The following PLCB1 variants were observed in gnomAD, a reference collection of about 807,000 sequenced individuals.
The protein encoded by PLCB1 is phospholipase C beta 1.
A neutral mutation model predicts 161.8 loss-of-function variants in PLCB1; 46 were observed. The ratio of observed to expected loss-of-function variants is 0.28; its 90% CI spans 0.22 to 0.36. The LOEUF (loss-of-function observed/expected upper bound fraction) is 0.36, where lower values mean the gene tolerates loss of function less well. Ranked by LOEUF, PLCB1 falls within the 10% of genes least tolerant of loss-of-function variation. The probability of loss-of-function intolerance (pLI) is 1.00; values close to 1 mark genes in which losing one functional copy is unlikely to be tolerated. For missense variants in PLCB1, 1,016 were observed against 1,472.5 expected (o/e 0.69, Z 5.07); for synonymous variants, 517 against 503.7 (o/e 1.03, Z -0.35).
intron 2 of PLCB1, among the ~76,000 whole-genome samples, chr20:8,282,348 A>G (rs1483208923): frequency 2.0e-5 from 3 of 152,238 alleles, no homozygotes; most frequent in African/African-American, 2.4e-5. Context: ...GGACAAGGTT[A>G]TACATCTCAC....
chr20:8,546,484 T>C (rs923590181), intron 3 of PLCB1, among the ~76,000 whole-genome samples: 1 of 152,124 alleles, frequency 6.6e-6, no homozygotes, highest in African/African-American at 2.4e-5. Context: ...TAAGAGAACA[T>C]CATGATTTAG....
intron 31 of PLCB1, among the ~76,000 whole-genome samples, chr20:8,823,166 G>A (rs939132266): frequency 2.0e-5 from 3 of 151,912 alleles, no homozygotes; most frequent in Admixed American, 1.3e-4. Context: ...TCTGTCACCC[G>A]GGCTGGAGTA....
At chr20:8,679,219 T>A (rs1041755757) in intron 9 of PLCB1, among the ~76,000 whole-genome samples, 1 of 152,208 alleles carries the variant, frequency 6.6e-6, no homozygotes, top group Non-Finnish European at 1.5e-5. Flanking sequence ...TTTTCCCATG[T>A]ACCTGAAACA....
intron 3 of PLCB1, among the ~76,000 whole-genome samples, chr20:8,485,242 T>C (rs1351831490): frequency 6.6e-6 from 1 of 152,216 alleles, no homozygotes; most frequent in African/African-American, 2.4e-5. Context: ...AGTAGATGTA[T>C]ACTCCACAGC....
chr20:8,500,272 T>C (rs570304504), intron 3 of PLCB1, among the ~76,000 whole-genome samples: 1 of 152,220 alleles, frequency 6.6e-6, no homozygotes, highest in African/African-American at 2.4e-5. Context: ...AAATTATATT[T>C]TATACCATAC....
At chr20:8,258,818 C>T (rs990670364) in intron 2 of PLCB1, among the ~76,000 whole-genome samples, 1 of 151,870 alleles carries the variant, frequency 6.6e-6, no homozygotes, top group African/African-American at 2.4e-5. Context: ...TTTAAGTATA[C>T]TTTGCACAGA....
At chr20:8,818,038 A>G (rs987097454) in intron 31 of PLCB1, among the ~76,000 whole-genome samples, 3 of 152,226 alleles carry the variant, frequency 2.0e-5, no homozygotes, top group African/African-American at 7.2e-5. Context: ...GACATGGAAA[A>G]TATGGTAGAG....
chr20:8,569,070 G>A (rs1411669146), intron 3 of PLCB1, among the ~76,000 whole-genome samples: 1 of 152,208 alleles, frequency 6.6e-6, no homozygotes, highest in Non-Finnish European at 1.5e-5. Context: ...CATCTGGTTT[G>A]TAAGGGAGCT....
At position 8,523,465 on chromosome 20, in the gene PLCB1, G is replaced by GCTCTCTCTCTCTCTCTCTCT. The variant is rs1174973173; in HGVS notation, c.247-104816_247-104797dup. On this transcript the variant is annotated intron_variant, in intron 3 of 31. Coordinates refer to ENST00000338037, the MANE Select transcript of PLCB1 (RefSeq NM_015192.4). ...ACGACAACAAATATATATATATTTGGCTCTCTCTCTCTCTCTCTCTCTCTC... is the reference window on the plus strand; with the variant it reads ...ACGACAACAAATATATATATATTTGGCTCTCTCTCTCTCTCTCTCTCTCTCTCTCTCTCTCTCTCTCTCTC... 2.4e-3 allele frequency among the ~76,000 whole-genome samples: 116 copies of GCTCTCTCTCTCTCTCTCTCT among 48,768 alleles called. 4 individuals carry two copies. Among genetic ancestry groups the GCTCTCTCTCTCTCTCTCTCT allele is most frequent in the Non-Finnish European group, 2.7e-3 (75 of 27,780 alleles). The allele number at this position is 48,768 out of a possible 152,430, so 32.0% of individuals were successfully genotyped here.
intron 3 of PLCB1, among the ~76,000 whole-genome samples, chr20:8,536,094 G>A (rs1404172807): frequency 6.6e-6 from 1 of 152,038 alleles, no homozygotes; most frequent in East Asian, 1.9e-4. Flanking sequence ...GCACATGATG[G>A]AGGAAAAAGA....
intron 2 of PLCB1, among the ~76,000 whole-genome samples, chr20:8,159,315 C>T (rs2123047247): frequency 6.6e-6 from 1 of 152,240 alleles, no homozygotes; most frequent in East Asian, 1.9e-4. Flanking sequence ...ATATTGGCCC[C>T]TTTCAGACAC....
intron 2 of PLCB1, among the ~76,000 whole-genome samples, chr20:8,243,036 A>G (rs1417061605): frequency 6.6e-6 from 1 of 151,992 alleles, no homozygotes; most frequent in Non-Finnish European, 1.5e-5. Context: ...TTGCATCGTT[A>G]CGGGCATGCT....
At chr20:8,487,899 C>T (rs957285646) in intron 3 of PLCB1, among the ~76,000 whole-genome samples, 1 of 152,098 alleles carries the variant, frequency 6.6e-6, no homozygotes, top group African/African-American at 2.4e-5. Context: ...TGCATTCCTC[C>T]CAGGGGTGGC....
intron 9 of PLCB1, among the ~76,000 whole-genome samples, chr20:8,671,160 C>T (rs958138619): frequency 2.0e-5 from 3 of 152,158 alleles, no homozygotes; most frequent in Non-Finnish European, 2.9e-5. Context: ...GTCCAGTTTT[C>T]CCATCTTGAC....
Position 8,353,702 on chromosome 20 carries a change from C to T in PLCB1, c.178-17680C>T, listed in dbSNP as rs577593343. Among the ~76,000 whole-genome samples the T allele has an allele frequency of 3.3e-5, 5 of 152,152 alleles. No homozygotes were observed. The East Asian group carries it at 9.7e-4, about 29-fold the overall frequency. On this transcript the variant is annotated intron_variant, in intron 2 of 31. Coordinates refer to ENST00000338037, the MANE Select transcript of PLCB1 (RefSeq NM_015192.4). ...TATTCTAGAAAATACCTGACTAGTA[C>T]TCCTCAAAACTGTTAAGGTCATCAA...
At chr20:8,224,795 T>G (rs1339836306) in intron 2 of PLCB1, among the ~76,000 whole-genome samples, 2 of 152,142 alleles carry the variant, frequency 1.3e-5, no homozygotes, top group Non-Finnish European at 2.9e-5. Context: ...GTTCTTTCTA[T>G]TCACTATCCA....
At chr20:8,158,468 G>C (rs1364896744) in intron 2 of PLCB1, among the ~76,000 whole-genome samples, 1 of 152,076 alleles carries the variant, frequency 6.6e-6, no homozygotes, top group Admixed American at 6.6e-5. Context: ...CTGAGATTTG[G>C]GTAGGGACAC....
intron 3 of PLCB1, among the ~76,000 whole-genome samples, chr20:8,579,550 T>C (rs1458134361): frequency 6.6e-6 from 1 of 152,260 alleles, no homozygotes; most frequent in Non-Finnish European, 1.5e-5. Flanking sequence ...GATTTCTCAA[T>C]ATTCAAATAT....
chr20:8,474,358 T>C (rs1205532895), intron 3 of PLCB1, among the ~76,000 whole-genome samples: 1 of 152,172 alleles, frequency 6.6e-6, no homozygotes, highest in Non-Finnish European at 1.5e-5. Flanking sequence ...TGTCAGAGTA[T>C]GACATTTGAG....
Sources: allele counts gnomAD v4.1 joint callset (sites outside exome capture counted in the v4.1 genomes callset), GRCh38; gene constraint gnomAD v4.1.1; transcripts MANE v1.5; gene names NCBI Gene and HGNC (gene_info 2026-07-23, HGNC 2026-07-21).